ITFG1: variants seen among roughly 807,000 people sequenced by gnomAD.
ITFG1 encodes integrin alpha FG-GAP repeat containing 1.
Under a neutral mutation model 81.8 loss-of-function variants are expected in ITFG1, and 34 were observed. The observed-to-expected ratio is 0.42, with a 90% CI of 0.32 to 0.55. The LOEUF is 0.55. Among genes scored for constraint, ITFG1 ranks in the 20% least tolerant of loss-of-function variants. The probability of loss-of-function intolerance (pLI) is 0.17; values close to 1 mark genes in which losing one functional copy is unlikely to be tolerated. For synonymous variants in ITFG1, 285 were observed against 270.6 expected (o/e 1.05, Z -0.52); for missense variants, 672 against 755.4 (o/e 0.89, Z 1.29).
At chr16:47,262,228 T>C (rs140173365) in intron 10 of ITFG1, among the ~76,000 whole-genome samples, 258 of 152,264 alleles carry the variant, frequency 1.7e-3, no homozygotes, top group African/African-American at 5.8e-3. Context: ...ATGAAAAAAA[T>C]CTTTCAGACC....
intron 14 of ITFG1, among the ~76,000 whole-genome samples, chr16:47,201,721 A>G (rs1026194825): frequency 3.9e-5 from 6 of 152,182 alleles, no homozygotes; most frequent in East Asian, 1.9e-4. Flanking sequence ...CACTCTATAT[A>G]TGTTATCTTA....
intron 12 of ITFG1, among the ~76,000 whole-genome samples, chr16:47,244,775 A>C (rs537881185): frequency 1.1e-3 from 167 of 152,082 alleles, no homozygotes; most frequent in Non-Finnish European, 2.0e-3. Context: ...TTAAGGTTAA[A>C]TGAGGTCACA....
At chr16:47,248,411 A>C (rs934996915) in intron 12 of ITFG1, among the ~76,000 whole-genome samples, 2 of 152,226 alleles carry the variant, frequency 1.3e-5, no homozygotes, top group Non-Finnish European at 2.9e-5. Context: ...AAACTAAATA[A>C]ATACTAAACC....
At chr16:47,390,737 G>C (rs1968520010) in intron 6 of ITFG1, among the ~76,000 whole-genome samples, 1 of 152,152 alleles carries the variant, frequency 6.6e-6, no homozygotes, top group Non-Finnish European at 1.5e-5. Context: ...TGGGATTACA[G>C]GAGTGAGTGA....
intron 6 of ITFG1, among the ~76,000 whole-genome samples, chr16:47,386,085 A>G (rs1015157537): frequency 2.6e-5 from 4 of 152,204 alleles, no homozygotes; most frequent in African/African-American, 9.7e-5. Context: ...TTAGGTCAGC[A>G]AATGCCTACC....
chr16:47,176,087 G>A (rs970642794), intron 14 of ITFG1, among the ~76,000 whole-genome samples: 1 of 152,206 alleles, frequency 6.6e-6, no homozygotes, highest in Non-Finnish European at 1.5e-5. Flanking sequence ...AATTTGCTCA[G>A]GAAGAGTTTA....
intron 6 of ITFG1, among the ~76,000 whole-genome samples, chr16:47,422,613 T>A (rs756515636): frequency 6.6e-6 from 1 of 152,208 alleles, no homozygotes; most frequent in African/African-American, 2.4e-5. Flanking sequence ...TGTGAGTCCG[T>A]CTAGTCCTGG....
intron 2 of ITFG1, among the ~76,000 whole-genome samples, chr16:47,456,790 C>T (rs567621971): frequency 4.6e-5 from 7 of 151,850 alleles, no homozygotes; most frequent in Non-Finnish European, 7.4e-5. Flanking sequence ...GACACACCCC[C>T]GTGAAGTAAA....
chr16:47,360,080 T>G (rs891152403), intron 8 of ITFG1, among the ~76,000 whole-genome samples: 4 of 152,158 alleles, frequency 2.6e-5, no homozygotes, highest in Admixed American at 1.3e-4. Flanking sequence ...ATAAAAATAT[T>G]TCATTATAAA....
chr16:47,337,300 G>A (rs943805729), intron 8 of ITFG1, among the ~76,000 whole-genome samples: 3 of 151,942 alleles, frequency 2.0e-5, no homozygotes, highest in African/African-American at 4.8e-5. Flanking sequence ...AGCCAGGCGC[G>A]GTGGCTCATG....
intron 2 of ITFG1, among the ~76,000 whole-genome samples, chr16:47,457,910 T>C (rs1969474376): frequency 6.6e-6 from 1 of 152,220 alleles, no homozygotes; most frequent in Non-Finnish European, 1.5e-5. Flanking sequence ...GGAAATAAGT[T>C]CCTGTTTATC....
intron 6 of ITFG1, among the ~76,000 whole-genome samples, chr16:47,408,795 T>C (rs1968762171): frequency 6.6e-6 from 1 of 152,202 alleles, no homozygotes; most frequent in African/African-American, 2.4e-5. Flanking sequence ...GGTAACTGCG[T>C]AGGGCAGGAG....
intron 5 of ITFG1, among the ~76,000 whole-genome samples, chr16:47,446,873 T>C (rs1410806670): frequency 2.0e-5 from 3 of 152,028 alleles, no homozygotes; most frequent in Non-Finnish European, 4.4e-5. Context: ...TTTTCTTTTT[T>C]TTTTTTTGAG....
chr16:47,290,079 T>C (rs1324002534), intron 10 of ITFG1, among the ~76,000 whole-genome samples: 7 of 152,196 alleles, frequency 4.6e-5, no homozygotes, highest in African/African-American at 9.6e-5. Context: ...CATTGACCCA[T>C]TGGTCATTCA....
At chr16:47,299,485 G>C (rs2151558849) in intron 10 of ITFG1, 1 of 152,766 alleles carries the variant, frequency 6.5e-6, no homozygotes, top group South Asian at 2.1e-4. Context: ...GTGGGGCTGA[G>C]ATGGGCAGGT....
At chr16:47,191,959 T>C (rs1965298653) in intron 14 of ITFG1, among the ~76,000 whole-genome samples, 1 of 152,170 alleles carries the variant, frequency 6.6e-6, no homozygotes, top group South Asian at 2.1e-4. Flanking sequence ...GCAAGTGCCA[T>C]CACGTCTGGC....
At chr16:47,353,434 C>G (rs1168683179) in intron 8 of ITFG1, among the ~76,000 whole-genome samples, 1 of 151,948 alleles carries the variant, frequency 6.6e-6, no homozygotes, top group African/African-American at 2.4e-5. Context: ...AAACCTACAG[C>G]TAACATCAAT....
At chr16:47,312,977 A>G (rs1333037271) in intron 9 of ITFG1, 3 of 152,168 alleles carry the variant, frequency 2.0e-5, no homozygotes, top group East Asian at 1.9e-4. Flanking sequence ...AAAAAAGTTC[A>G]AGATAAAACT....
chr16:47,434,415 A>T (rs1969139016), intron 5 of ITFG1, among the ~76,000 whole-genome samples: 1 of 152,152 alleles, frequency 6.6e-6, no homozygotes, highest in Non-Finnish European at 1.5e-5. Flanking sequence ...TTCTCAAAAG[A>T]TGACATTCCT....
Sources: gnomAD v4.1 joint callset for allele counts (sites outside exome capture counted in the v4.1 genomes callset) on GRCh38, gnomAD v4.1.1 for gene constraint, MANE v1.5 for transcripts, NCBI Gene and HGNC (gene_info 2026-07-23, HGNC 2026-07-21) for gene names.